TENM2: variants seen among roughly 807,000 people sequenced by gnomAD.
TENM2 encodes the protein teneurin-2.
In TENM2, 52 loss-of-function variants were observed where a neutral mutation model predicts 245.2. The ratio of observed to expected loss-of-function variants is 0.21; its 90% CI spans 0.17 to 0.27. The LOEUF is 0.27. Ranked by LOEUF, TENM2 falls within the 10% of genes least tolerant of loss-of-function variation. TENM2 has a pLI of 1.00. For synonymous variants in TENM2, 1,363 were observed against 1,438.9 expected (o/e 0.95, Z 1.19); for missense variants, 3,046 against 3,666.8 (o/e 0.83, Z 4.37).
At chr5:167,579,163 C>A (rs1459892635) in intron 2 of TENM2, among the ~76,000 whole-genome samples, 1 of 152,154 alleles carries the variant, frequency 6.6e-6, no homozygotes, top group African/African-American at 2.4e-5. Context: ...CATTATCAAA[C>A]ACAAAAGGCA....
intron 12 of TENM2, among the ~76,000 whole-genome samples, chr5:168,160,717 T>G (rs1757672556): frequency 6.6e-6 from 1 of 152,196 alleles, no homozygotes. Flanking sequence ...CTTAGGAAGA[T>G]GCCTTTAAAT....
chr5:167,463,951 T>C lies in TENM2; in HGVS notation c.502+88478T>C, dbSNP rs567775668. 8.2e-4 allele frequency among the ~76,000 whole-genome samples: 125 copies of C among 152,320 alleles called. 1 individual carries two copies. The highest frequency in any genetic ancestry group is 2.9e-3 in the African/African-American group (122 of 41,580). On this transcript the variant is annotated intron_variant, in intron 2 of 28. Transcript: ENST00000518659. ...GAATGTTTGCTGTGCTGATGAGGAA[T>C]TGGGCAGGTGCATGAGAGCTCTGAG...
chr5:167,692,819 G>A (rs897042096), intron 2 of TENM2, among the ~76,000 whole-genome samples: 1 of 152,178 alleles, frequency 6.6e-6, no homozygotes, highest in Admixed American at 6.5e-5. Context: ...CTTCTAGAAT[G>A]GCATCAATGC....
the TENM2 span, among the ~76,000 whole-genome samples, chr5:167,265,610 C>G: frequency 6.6e-6 from 1 of 152,108 alleles, no homozygotes; most frequent in African/African-American, 2.4e-5. Flanking sequence ...CCATTGTACA[C>G]AGGCCTCTGG....
the TENM2 span, among the ~76,000 whole-genome samples, chr5:167,217,343 G>T: frequency 6.6e-6 from 1 of 152,080 alleles, no homozygotes; most frequent in Admixed American, 6.6e-5. Flanking sequence ...ATTAAAAAAA[G>T]AATTGAGGTT....
At chr5:167,674,921 C>G (rs1476745167) in intron 2 of TENM2, among the ~76,000 whole-genome samples, 1 of 152,090 alleles carries the variant, frequency 6.6e-6, no homozygotes, top group Non-Finnish European at 1.5e-5. Flanking sequence ...CTGCTGAGCT[C>G]TAGCCCCAGA....
intron 2 of TENM2, among the ~76,000 whole-genome samples, chr5:167,537,575 T>C (rs1190930314): frequency 1.3e-5 from 2 of 152,228 alleles, no homozygotes; most frequent in Non-Finnish European, 1.5e-5. Flanking sequence ...CTCAGAATGA[T>C]GATCATTTGT....
At chr5:167,216,867 C>T in the TENM2 span, among the ~76,000 whole-genome samples, 1 of 151,576 alleles carries the variant, frequency 6.6e-6, no homozygotes, top group Admixed American at 6.6e-5. Flanking sequence ...GAGGAGGTTG[C>T]AGTAAGTCGA....
intron 2 of TENM2, among the ~76,000 whole-genome samples, chr5:167,593,852 C>T (rs1776033508): frequency 6.6e-6 from 1 of 152,144 alleles, no homozygotes; most frequent in Non-Finnish European, 1.5e-5. Flanking sequence ...CATGGGTCCT[C>T]ATAAAGCAAG....
chr5:167,121,759 T>C, the TENM2 span, among the ~76,000 whole-genome samples: 2 of 152,166 alleles, frequency 1.3e-5, no homozygotes, highest in Non-Finnish European at 2.9e-5. Context: ...ACTGACAAGA[T>C]CAAACAGCTG....
At chr5:166,980,010 C>A in the TENM2 span, among the ~76,000 whole-genome samples, 4 of 152,040 alleles carry the variant, frequency 2.6e-5, no homozygotes, top group East Asian at 1.9e-4. Context: ...TACATGCTGG[C>A]TAAAATATTC....
the TENM2 span, among the ~76,000 whole-genome samples, chr5:167,152,911 A>G: frequency 1.3e-5 from 2 of 152,174 alleles, no homozygotes; most frequent in African/African-American, 4.8e-5. Context: ...GACCATGGGT[A>G]ACTGAAAGCA....
intron 2 of TENM2, among the ~76,000 whole-genome samples, chr5:167,768,077 T>C (rs1403166043): frequency 6.6e-6 from 1 of 152,192 alleles, no homozygotes; most frequent in Non-Finnish European, 1.5e-5. Context: ...TTATTAGTAA[T>C]GCGCGTCTTC....
At chr5:167,989,016 A>T (rs922143965) in intron 4 of TENM2, among the ~76,000 whole-genome samples, 6 of 152,086 alleles carry the variant, frequency 3.9e-5, no homozygotes, top group African/African-American at 1.2e-4. Context: ...AAACATTTCT[A>T]TTTTCAAGTT....
the TENM2 span, among the ~76,000 whole-genome samples, chr5:167,130,440 G>A: frequency 6.6e-6 from 1 of 152,174 alleles, no homozygotes; most frequent in East Asian, 1.9e-4. Flanking sequence ...GCATGAGGCA[G>A]GTACTCTTAT....
chr5:167,766,675 G>A (rs1214209463), intron 2 of TENM2, among the ~76,000 whole-genome samples: 1 of 151,952 alleles, frequency 6.6e-6, no homozygotes, highest in East Asian at 1.9e-4. Flanking sequence ...TCAGGAGTTC[G>A]AGACCAGCCT....
intron 2 of TENM2, among the ~76,000 whole-genome samples, chr5:167,866,304 G>T (rs565069966): frequency 1.1e-4 from 17 of 152,242 alleles, no homozygotes; most frequent in African/African-American, 4.1e-4. Flanking sequence ...TTCGAGACCA[G>T]CCTGGCCAAC....
At chr5:167,507,112 T>C (rs977252104) in intron 2 of TENM2, among the ~76,000 whole-genome samples, 3 of 152,204 alleles carry the variant, frequency 2.0e-5, no homozygotes, top group African/African-American at 7.2e-5. Context: ...ACTATCAACT[T>C]TTATAATGGT....
At chr5:167,571,028 T>C (rs1373622695) in intron 2 of TENM2, among the ~76,000 whole-genome samples, 4 of 152,184 alleles carry the variant, frequency 2.6e-5, no homozygotes, top group African/African-American at 9.7e-5. Context: ...CTGTAGCTTG[T>C]AAAGAGGGTC....
Sources: allele counts gnomAD v4.1 joint callset (sites outside exome capture counted in the v4.1 genomes callset), GRCh38; gene constraint gnomAD v4.1.1; transcripts MANE v1.5; gene names NCBI Gene and HGNC (gene_info 2026-07-23, HGNC 2026-07-21).